Variants in CRACD observed in about 807,000 individuals in gnomAD.
CRACD encodes capping protein inhibiting regulator of actin dynamics.
A neutral mutation model predicts 106.8 loss-of-function variants in CRACD; 56 were observed. That is an observed-to-expected ratio of 0.52 (90% CI 0.42 to 0.66). The LOEUF is 0.66. Among genes scored for constraint, CRACD ranks in the 30% least tolerant of loss-of-function variants. The pLI is 0.00. For synonymous variants in CRACD, 754 were observed against 670.8 expected, an observed-to-expected ratio of 1.12 and a Z score of -1.92; for missense variants, 1,730 against 1,623.2, an observed-to-expected ratio of 1.07 and a Z score of -1.13.
chr4:56,114,358 G>T (rs1734214356), intron 1 of CRACD, among the ~76,000 whole-genome samples: 2 of 151,974 alleles, frequency 1.3e-5, no homozygotes, highest in East Asian at 3.9e-4. Flanking sequence ...CATGCCAGAA[G>T]AATCTGGCCC....
chr4:56,243,038 T>C (rs1400500489), intron 2 of CRACD, among the ~76,000 whole-genome samples: 2 of 152,176 alleles, frequency 1.3e-5, no homozygotes, highest in Non-Finnish European at 2.9e-5. Context: ...CCCCACTGTC[T>C]ATTTTCCCTT....
At chr4:56,247,246 T>C (rs1416460948) in intron 2 of CRACD, among the ~76,000 whole-genome samples, 2 of 151,928 alleles carry the variant, frequency 1.3e-5, no homozygotes, top group African/African-American at 4.8e-5. Context: ...GTGTAGACTG[T>C]ATCTTTTGAA....
intron 2 of CRACD, among the ~76,000 whole-genome samples, chr4:56,204,393 C>A (rs1479383517): frequency 6.6e-5 from 10 of 152,184 alleles, no homozygotes; most frequent in African/African-American, 1.4e-4. Context: ...GGTCAAGGGG[C>A]CTGCATCTGA....
chr4:56,094,138 TA>T (rs1260021466), intron 1 of CRACD, among the ~76,000 whole-genome samples: 3 of 152,222 alleles, frequency 2.0e-5, no homozygotes, highest in Admixed American at 6.5e-5. Context: ...CTGAGGGATT[TA>T]AAAATTGTAG....
rs552381437 is a variant in CRACD, at chr4:56,131,662, A to G, written c.-335-47622A>G. On this transcript the variant is annotated intron_variant, in intron 1 of 10. Transcript: ENST00000682029. ...TTGTGGTCTCTTATTTTATTGAGTA[A>G]TGCTTTCTTTTAGAGTATTTAATTT... Among the ~76,000 whole-genome samples, 3 of 152,064 alleles carry G rather than the reference A, an allele frequency of 2.0e-5. No homozygotes were observed. The East Asian group carries it at 5.8e-4, about 29-fold the overall frequency.
At chr4:56,260,858 T>C (rs1741652917) in intron 2 of CRACD, among the ~76,000 whole-genome samples, 1 of 151,942 alleles carries the variant, frequency 6.6e-6, no homozygotes, top group African/African-American at 2.4e-5. Context: ...TCTGTCTGTC[T>C]TTCTGTCTAT....
chr4:56,292,501 T>C (rs1172502825), intron 3 of CRACD, among the ~76,000 whole-genome samples: 1 of 152,042 alleles, frequency 6.6e-6, no homozygotes, highest in Non-Finnish European at 1.5e-5. Flanking sequence ...GTGAGTCCTC[T>C]CTGGAAGGAG....
chr4:56,329,885 T>G lies in CRACD; in HGVS notation c.*2081T>G, dbSNP rs1386916536. 6.6e-6 allele frequency among the ~76,000 whole-genome samples: 1 copy of G among 152,212 alleles called. No individual in the cohort carries two copies. Among genetic ancestry groups the G allele is most frequent in the Non-Finnish European group, 1.5e-5 (1 of 68,046 alleles). ...AGTTGTAGATGTGTCAACTTTGTAT[T>G]GGCTGGGATATCACTGTGCCCAAAC... On this transcript the variant is annotated 3_prime_UTR_variant, in exon 11 of 11. Coordinates refer to ENST00000682029, the MANE Select transcript of CRACD (RefSeq NM_001393381.1).
At position 56,260,965 on chromosome 4, in the gene CRACD, G is replaced by T. The variant is rs147249963; in HGVS notation, c.-188-11356G>T. On this transcript the variant is annotated intron_variant, in intron 2 of 10. Transcript: ENST00000682029. Reference sequence around the variant, plus strand: ...TCCCTCTCTACTTCCTGCTGGTTCTGTTTCTCTGAAACCCCTCAGATGTCC... The same window carrying T: ...TCCCTCTCTACTTCCTGCTGGTTCTTTTTCTCTGAAACCCCTCAGATGTCC... 1.1e-3 allele frequency among the ~76,000 whole-genome samples: 172 copies of T among 152,110 alleles called. 1 individual carries two copies. Among genetic ancestry groups the T allele is most frequent in the African/African-American group, 4.0e-3 (165 of 41,508 alleles).
chr4:56,055,401 A>T (rs1732021825), intron 1 of CRACD, among the ~76,000 whole-genome samples: 1 of 151,904 alleles, frequency 6.6e-6, no homozygotes, highest in Non-Finnish European at 1.5e-5. Flanking sequence ...TGGGAGAAAT[A>T]AAAAGGAGAG....
chr4:56,295,044 TA>T (rs1743928307), intron 3 of CRACD, among the ~76,000 whole-genome samples: 1 of 146,698 alleles, frequency 6.8e-6, no homozygotes, highest in Non-Finnish European at 1.5e-5. Flanking sequence ...CTACAGCAAT[TA>T]AGATAGTGTG....
At chr4:56,053,412 A>T (rs11133421) in intron 1 of CRACD, among the ~76,000 whole-genome samples, 32,773 of 152,082 alleles carry the variant, frequency 0.22, 4,347 homozygotes, top group Non-Finnish European at 0.3. Context: ...CCTCTTTGAA[A>T]CACATTGTCA....
chr4:56,142,613 C>T (rs1735243155), intron 1 of CRACD, among the ~76,000 whole-genome samples: 1 of 152,076 alleles, frequency 6.6e-6, no homozygotes, highest in South Asian at 2.1e-4. Context: ...TGTTTTCATG[C>T]TTATAAAAGT....
chr4:56,208,105 T>C (rs913459379), intron 2 of CRACD, among the ~76,000 whole-genome samples: 2 of 152,046 alleles, frequency 1.3e-5, no homozygotes, highest in Non-Finnish European at 2.9e-5. Flanking sequence ...TGATCTATCA[T>C]GCTGACTGCA....
chr4:56,301,157 G>GATTT, intron 4 of CRACD: 1 of 1,039,162 alleles, frequency 9.6e-7, no homozygotes, highest in South Asian at 1.4e-5. Context: ...TAGAAAATGT[G>GATTT]ATTTTTTTTT....
chr4:56,116,947 A>AT (rs35512859), intron 1 of CRACD, among the ~76,000 whole-genome samples: 14,412 of 151,050 alleles, frequency 0.095, 738 homozygotes, highest in East Asian at 0.19. Context: ...ATCTCAGGTG[A>AT]TCCGCCCACC....
chr4:56,215,696 G>A (rs907494105), intron 2 of CRACD, among the ~76,000 whole-genome samples: 8 of 152,208 alleles, frequency 5.3e-5, no homozygotes, highest in East Asian at 1.9e-4. Flanking sequence ...TGCTCACTGA[G>A]TAGTATTACT....
chr4:56,152,461 T>C (rs1001002692), intron 1 of CRACD, among the ~76,000 whole-genome samples: 16 of 151,736 alleles, frequency 1.1e-4, no homozygotes, highest in African/African-American at 3.4e-4. Context: ...TACCAAGGCC[T>C]TGTCTCTACA....
chr4:56,086,241 T>C (rs1394414492), intron 1 of CRACD, among the ~76,000 whole-genome samples: 2 of 152,138 alleles, frequency 1.3e-5, no homozygotes, highest in Admixed American at 6.6e-5. Flanking sequence ...GGGGAGTGCA[T>C]GCTAATAAAG....
Sources: allele counts gnomAD v4.1 joint callset (sites outside exome capture counted in the v4.1 genomes callset), GRCh38; gene constraint gnomAD v4.1.1; transcripts MANE v1.5; gene names NCBI Gene and HGNC (gene_info 2026-07-23, HGNC 2026-07-21).